METTL15: variants seen among roughly 807,000 people sequenced by gnomAD.
METTL15 encodes 12S rRNA N(4)-cytidine methyltransferase METTL15.
METTL15 carries 34 observed loss-of-function variants against 38.3 expected under a neutral mutation model. The ratio of observed to expected loss-of-function variants is 0.89; its 90% CI spans 0.68 to 1.18. The LOEUF (loss-of-function observed/expected upper bound fraction) is 1.18, where lower values mean the gene tolerates loss of function less well. Ranked by LOEUF, METTL15 falls within the 50% of genes most tolerant of loss-of-function variation. METTL15 has a pLI of 0.00. For synonymous variants in METTL15, 162 were observed against 170.9 expected (o/e 0.95, Z 0.41); for missense variants, 438 against 498.4 (o/e 0.88, Z 1.15).
At chr11:28,426,707 T>C (rs1263564165) in intron 6 of METTL15, among the ~76,000 whole-genome samples, 2 of 151,840 alleles carry the variant, frequency 1.3e-5, no homozygotes, top group African/African-American at 4.8e-5. Flanking sequence ...CTTTTTTTCA[T>C]ATGTTTATTG....
At chr11:28,221,518 A>G (rs1853220665) in intron 4 of METTL15, among the ~76,000 whole-genome samples, 1 of 151,926 alleles carries the variant, frequency 6.6e-6, no homozygotes, top group South Asian at 2.1e-4. Flanking sequence ...TTCCTCCTTT[A>G]GCTCGGAGAA....
intron 6 of METTL15, among the ~76,000 whole-genome samples, chr11:28,495,996 A>AT (rs1033275490): frequency 1.5e-4 from 23 of 152,286 alleles, no homozygotes; most frequent in African/African-American, 4.8e-4. Context: ...CGTTTCAAAC[A>AT]TTTTTTTAGT....
At chr11:28,363,625 A>C (rs1249518566) in intron 5 of METTL15, among the ~76,000 whole-genome samples, 1 of 152,044 alleles carries the variant, frequency 6.6e-6, no homozygotes, top group Non-Finnish European at 1.5e-5. Context: ...ATTTTCTTCC[A>C]TTCTCTAGGT....
chr11:28,173,122 T>C (rs1443944491), intron 3 of METTL15, among the ~76,000 whole-genome samples: 1 of 152,110 alleles, frequency 6.6e-6, no homozygotes, highest in Non-Finnish European at 1.5e-5. Flanking sequence ...ATAGATTTTG[T>C]TTTTTTGAAC....
chr11:28,335,463 A>G (rs964491696), downstream of METTL15, among the ~76,000 whole-genome samples: 15 of 152,208 alleles, frequency 9.9e-5, no homozygotes, highest in African/African-American at 3.6e-4. Flanking sequence ...CAAATAGAAG[A>G]TAAATGTTTA....
chr11:28,442,023 A>T (rs1191798436), intron 6 of METTL15, among the ~76,000 whole-genome samples: 1 of 152,236 alleles, frequency 6.6e-6, no homozygotes, highest in Non-Finnish European at 1.5e-5. Context: ...TTGTGGACAT[A>T]CGGAAGTTGA....
In METTL15 at chr11:28,113,425, A is replaced by G. The variant is rs1590734669; in HGVS notation, c.91A>G (p.Asn31Asp). 1.3e-6 allele frequency: 2 copies of G among 1,599,726 alleles called. No homozygotes were observed. Among genetic ancestry groups the G allele is most frequent in the Non-Finnish European group, 1.7e-6 (2 of 1,173,570 alleles). The change falls in exon 3 of 7, where the codon AAC becomes GAC. Residue 31 changes from asparagine to aspartate, a missense_variant. Asn to Asp is a conservative substitution (Grantham distance 23). Coordinates refer to ENST00000407364, the MANE Select transcript of METTL15 (RefSeq NM_001113528.2). Reference protein sequence around the residue: ...SGIPNLGVWPNRIHTTAEKYR... With the variant: ...SGIPNLGVWPDRIHTTAEKYR... ...CATACCTAATTTAGGTGTCTGGCCA[A>G]ACAGAATACATACTACAGCAGAAAA... is the stretch of plus-strand genomic sequence containing the variant.
chr11:28,418,307 G>A (rs926214488), intron 5 of METTL15, among the ~76,000 whole-genome samples: 4 of 152,124 alleles, frequency 2.6e-5, no homozygotes, highest in South Asian at 4.1e-4. Flanking sequence ...AAAGGTCCAC[G>A]AGCTTTATTA....
chr11:28,124,766 A>G (rs1852401963), intron 3 of METTL15, among the ~76,000 whole-genome samples: 1 of 151,922 alleles, frequency 6.6e-6, no homozygotes, highest in Non-Finnish European at 1.5e-5. Flanking sequence ...CTTTAATATT[A>G]CTCTTAACTT....
At chr11:28,210,896 C>T (rs1280379548) in intron 3 of METTL15, among the ~76,000 whole-genome samples, 166 bp from the exon 4 acceptor site, 1 of 151,934 alleles carries the variant, frequency 6.6e-6, no homozygotes, top group Non-Finnish European at 1.5e-5. Flanking sequence ...CATAATTGAG[C>T]CAGATCTCAC....
chr11:28,242,750 C>T (rs935950374), intron 4 of METTL15, among the ~76,000 whole-genome samples: 2 of 152,106 alleles, frequency 1.3e-5, no homozygotes, highest in Non-Finnish European at 2.9e-5. Flanking sequence ...TCAAAGCATT[C>T]TCCATGAACC....
intron 6 of METTL15, among the ~76,000 whole-genome samples, chr11:28,471,494 G>C (rs562363531): frequency 6.6e-6 from 1 of 152,038 alleles, no homozygotes; most frequent in Admixed American, 6.6e-5. Flanking sequence ...TCTGAGTTGC[G>C]AGGCAAGATT....
chr11:28,506,775 C>T (rs1441851825), intron 6 of METTL15, among the ~76,000 whole-genome samples: 3 of 129,488 alleles, frequency 2.3e-5, no homozygotes, highest in Non-Finnish European at 4.7e-5. Context: ...GACAGAGTCT[C>T]ACTCTGTTGC....
intron 6 of METTL15, among the ~76,000 whole-genome samples, chr11:28,316,062 A>T (rs1318215684): frequency 2.0e-5 from 3 of 152,224 alleles, no homozygotes; most frequent in African/African-American, 7.2e-5. Flanking sequence ...GGCACCACTT[A>T]GTTCAGCTTT....
At chr11:28,115,935 T>TACACATACAC (rs1851930503) in intron 3 of METTL15, among the ~76,000 whole-genome samples, 1 of 142,356 alleles carries the variant, frequency 7.0e-6, no homozygotes, top group African/African-American at 2.6e-5. Flanking sequence ...CACATACACA[T>TACACATACAC]ACACACACAC....
At chr11:28,377,996 G>T (rs1441966939) in intron 5 of METTL15, among the ~76,000 whole-genome samples, 1 of 150,756 alleles carries the variant, frequency 6.6e-6, no homozygotes, top group Non-Finnish European at 1.5e-5. Flanking sequence ...ACCCACTTGA[G>T]GAAGCAGTCT....
chr11:28,405,294 A>G (rs1352629435), intron 5 of METTL15, among the ~76,000 whole-genome samples: 2 of 152,206 alleles, frequency 1.3e-5, no homozygotes, highest in African/African-American at 4.8e-5. Flanking sequence ...ATATAGATCA[A>G]TCAGTGTTTT....
chr11:28,525,799 A>G (rs1052203467), intron 6 of METTL15, among the ~76,000 whole-genome samples: 1 of 152,156 alleles, frequency 6.6e-6, no homozygotes, highest in Non-Finnish European at 1.5e-5. Context: ...GTGCACCCGC[A>G]CTCCTCAGCC....
intron 3 of METTL15, among the ~76,000 whole-genome samples, chr11:28,143,348 T>A (rs1849764434): frequency 6.6e-6 from 1 of 152,176 alleles, no homozygotes; most frequent in Admixed American, 6.5e-5. Flanking sequence ...AAGTTCTTTA[T>A]GCATTTCTCA....
Sources: gnomAD v4.1 joint callset for allele counts (sites outside exome capture counted in the v4.1 genomes callset) on GRCh38, gnomAD v4.1.1 for gene constraint, MANE v1.5 for transcripts, NCBI Gene and HGNC (gene_info 2026-07-23, HGNC 2026-07-21) for gene names.